Variants in DENND2B observed in about 807,000 individuals in gnomAD.
DENND2B encodes DENN domain containing 2B.
DENND2B carries 32 observed loss-of-function variants against 116.0 expected under a neutral mutation model. That is an observed-to-expected ratio of 0.28 (90% CI 0.21 to 0.37). DENND2B has a LOEUF of 0.37. Ranked by LOEUF, DENND2B falls within the 10% of genes least tolerant of loss-of-function variation. The pLI is 1.00. For synonymous variants in DENND2B, 588 were observed against 583.9 expected (o/e 1.01, Z -0.10); for missense variants, 1,276 against 1,477.7 (o/e 0.86, Z 2.24).
intron 3 of DENND2B, among the ~76,000 whole-genome samples, chr11:8,852,875 AAGG>A (rs2063058776): frequency 6.6e-6 from 1 of 152,214 alleles, no homozygotes; most frequent in Non-Finnish European, 1.5e-5. Context: ...GCAAGACAGT[AAGG>A]AGAAGGACGA....
chr11:8,708,404 G>C (rs748743066), intron 11 of DENND2B: 7 of 896,874 alleles, frequency 7.8e-6, no homozygotes, highest in Non-Finnish European at 9.3e-6. Context: ...CCTGACTCCT[G>C]GGCTTGGGAC....
intron 1 of DENND2B, among the ~76,000 whole-genome samples, chr11:8,771,408 G>C (rs546927100): frequency 6.6e-6 from 1 of 151,932 alleles, no homozygotes; most frequent in African/African-American, 2.4e-5. Context: ...GTGTGTGTGC[G>C]TGTGTGCACA....
intron 1 of DENND2B, among the ~76,000 whole-genome samples, chr11:8,763,816 A>G (rs1209929384): frequency 1.3e-5 from 2 of 152,074 alleles, no homozygotes; most frequent in Non-Finnish European, 2.9e-5. Flanking sequence ...TGACTTGGAT[A>G]CATATATACA....
chr11:8,843,477 T>C (rs968524759), intron 3 of DENND2B, among the ~76,000 whole-genome samples: 1 of 152,084 alleles, frequency 6.6e-6, no homozygotes, highest in Non-Finnish European at 1.5e-5. Flanking sequence ...AGAATGTAAA[T>C]AAGAATCTCT....
At chr11:8,719,613 G>A (rs1402012943) in intron 4 of DENND2B, among the ~76,000 whole-genome samples, 1 of 152,226 alleles carries the variant, frequency 6.6e-6, no homozygotes, top group Non-Finnish European at 1.5e-5. Flanking sequence ...CCCCCTGCAT[G>A]TTTTCTCCAG....
At chr11:8,900,196 C>T (rs1008028818) in intron 1 of DENND2B, among the ~76,000 whole-genome samples, 8 of 151,160 alleles carry the variant, frequency 5.3e-5, no homozygotes, top group South Asian at 2.1e-4. Context: ...GAGGCCGAGG[C>T]GGGTAGATCA....
chr11:8,712,705 G>A lies in DENND2B; in HGVS notation c.2018C>T (p.Ser673Leu), dbSNP rs199683019. The A allele has an allele frequency of 2.6e-5, 42 of 1,612,992 alleles. No individual in the cohort carries two copies. In the East Asian group the frequency reaches 5.3e-4, roughly 21 times the overall value. Residue 673 changes from serine to leucine, a missense_variant, in exon 9 of 20, where the codon TCG becomes TTG. This residue lies in a region of DENND2B where 420 missense variants were observed against 631.1 expected (regional missense o/e 0.67). Transcript: ENST00000313726. The surrounding 1 kb of genome is among the most constrained non-coding windows in gnomAD (Gnocchi z 4.4). ...AHTQRLVHIQ[S>L]MLKRAPSYRT... ...ATAGCTGGGGGCGCGCTTCAGCATC[G>A]ACTGGATGTGGACCAGGCGCTGTGT...
At chr11:8,722,089 A>G (rs2046291860) in intron 4 of DENND2B, among the ~76,000 whole-genome samples, 1 of 152,260 alleles carries the variant, frequency 6.6e-6, no homozygotes, top group Non-Finnish European at 1.5e-5. Context: ...GGGAAATAGC[A>G]GCCCTGGAAG....
At position 8,712,544 on chromosome 11, in the gene DENND2B, G is replaced by C. The variant is rs772576624; in HGVS notation, c.2172+7C>G. 1 of 1,550,380 alleles carries C rather than the reference G, an allele frequency of 6.5e-7. No homozygotes were observed. Among genetic ancestry groups the C allele is most frequent in the South Asian group, 1.2e-5 (1 of 83,966 alleles). On this transcript the variant is annotated splice_region_variant and intron_variant, in intron 9 of 19. Transcript: ENST00000313726. The surrounding 1 kb of genome is among the most constrained non-coding windows in gnomAD (Gnocchi z 4.4). ...TATGGGCAAGGTGGGGAGAGAGAAG[G>C]CCTCACCTTGGGAAACTGGTAGGAG...
rs1449695328 is a variant in DENND2B at position 8,870,252 on chromosome 11, C to T, written c.-250+702G>A. Among the ~76,000 whole-genome samples, 14 of 152,200 alleles carry T rather than the reference C, an allele frequency of 9.2e-5. No homozygotes were observed. In the South Asian group the frequency reaches 1.0e-3, roughly 11 times the overall value. On this transcript the variant is annotated intron_variant, in intron 2 of 6. Coordinates refer to the DENND2B transcript ENST00000524757. ...ATCAACTACTTTCATATAAAGATCC[C>T]AGGAAAATGCAATAAGCCCTCTTTA...
At chr11:8,710,789 A>G (rs1379692457) in intron 11 of DENND2B, 56 bp downstream of exon 11, 2 of 1,388,178 alleles carry the variant, frequency 1.4e-6, no homozygotes, top group Non-Finnish European at 2.0e-6. Context: ...ACACACACAC[A>G]CACACCCTGG....
chr11:8,796,304 G>A (rs184519575), intron 1 of DENND2B, among the ~76,000 whole-genome samples: 7 of 152,338 alleles, frequency 4.6e-5, no homozygotes, highest in Admixed American at 2.0e-4. Flanking sequence ...CACTTTGGGA[G>A]GCCAAGGTGG....
intron 4 of DENND2B, chr11:8,832,622 ACCCCACACAG>A: frequency 6.6e-6 from 1 of 152,516 alleles, no homozygotes; most frequent in African/African-American, 2.4e-5. Flanking sequence ...AGGCAGCCAC[ACCCCACACAG>A]CCCCAGAGCC....
intron 4 of DENND2B, among the ~76,000 whole-genome samples, chr11:8,830,445 A>G (rs533810983): frequency 1.3e-5 from 2 of 152,340 alleles, no homozygotes; most frequent in Non-Finnish European, 2.9e-5. Context: ...CTACTTGTTT[A>G]ACAAACACTG....
At chr11:8,896,839 T>A (rs1026162786) in intron 1 of DENND2B, among the ~76,000 whole-genome samples, 1 of 152,260 alleles carries the variant, frequency 6.6e-6, no homozygotes, top group Non-Finnish European at 1.5e-5. Context: ...TTAAATGCAT[T>A]TTTGACTTAC....
At chr11:8,823,122 T>C (rs1312434017) in intron 4 of DENND2B, among the ~76,000 whole-genome samples, 1 of 152,002 alleles carries the variant, frequency 6.6e-6, no homozygotes, top group African/African-American at 2.4e-5. Flanking sequence ...GTAATATCCA[T>C]ACATATTTAC....
intron 4 of DENND2B, among the ~76,000 whole-genome samples, chr11:8,819,490 C>A (rs2061687240): frequency 6.6e-6 from 1 of 152,090 alleles, no homozygotes; most frequent in South Asian, 2.1e-4. Context: ...GTAGAAATAA[C>A]CTCACGGTGG....
chr11:8,786,077 G>A (rs1467499946), intron 1 of DENND2B, among the ~76,000 whole-genome samples: 1 of 152,188 alleles, frequency 6.6e-6, no homozygotes, highest in East Asian at 1.9e-4. Flanking sequence ...AAGGAAGACT[G>A]TCTAAGGGGT....
At chr11:8,854,016 ATTTTTTTTTTTT>A (rs71059187) in intron 3 of DENND2B, among the ~76,000 whole-genome samples, 9 of 62,776 alleles carry the variant, frequency 1.4e-4, no homozygotes, top group African/African-American at 4.4e-4. Flanking sequence ...GCCCCAGTTA[ATTTTTTTTTTTT>A]TTTTTTTTTT....
Sources: allele counts gnomAD v4.1 joint callset (sites outside exome capture counted in the v4.1 genomes callset), GRCh38; gene constraint gnomAD v4.1.1; regional missense constraint gnomAD v4.1.1; non-coding constraint Gnocchi (gnomAD v3.1); transcripts MANE v1.5; gene names NCBI Gene and HGNC (gene_info 2026-07-23, HGNC 2026-07-21).